PIK3CA: variants seen among roughly 807,000 people sequenced by gnomAD.
PIK3CA encodes the protein phosphatidylinositol 4,5-bisphosphate 3-kinase catalytic subunit alpha isoform.
A neutral mutation model predicts 138.2 loss-of-function variants in PIK3CA; 27 were observed. That is an observed-to-expected ratio of 0.20 (90% confidence interval 0.14 to 0.27). PIK3CA has a LOEUF of 0.27. Ranked by LOEUF, PIK3CA falls within the 10% of genes least tolerant of loss-of-function variation. The probability of loss-of-function intolerance (pLI) is 1.00; values close to 1 mark genes in which losing one functional copy is unlikely to be tolerated. For synonymous variants in PIK3CA, 358 were observed against 413.2 expected (o/e 0.87, Z 1.62); for missense variants, 544 against 1,277.4 (o/e 0.43, Z 8.75).
At chr3:179,150,601 C>T (rs1022447761) in intron 1 of PIK3CA, among the ~76,000 whole-genome samples, 1 of 152,128 alleles carries the variant, frequency 6.6e-6, no homozygotes, top group African/African-American at 2.4e-5. Context: ...TGTAAATTGT[C>T]ATGGGCCTTG....
intron 1 of PIK3CA, among the ~76,000 whole-genome samples, chr3:179,195,075 G>A (rs756131742): frequency 1.3e-5 from 2 of 151,060 alleles, no homozygotes; most frequent in South Asian, 2.1e-4. Flanking sequence ...CACCTACGCT[G>A]TAGATAGCTA....
At chr3:179,194,736 T>C (rs1724221848) in intron 1 of PIK3CA, among the ~76,000 whole-genome samples, 1 of 152,160 alleles carries the variant, frequency 6.6e-6, no homozygotes, top group Non-Finnish European at 1.5e-5. Context: ...TGTGGCAACC[T>C]AGAACACCTG....
At chr3:179,187,036 G>A (rs1723999351) in intron 1 of PIK3CA, among the ~76,000 whole-genome samples, 1 of 148,144 alleles carries the variant, frequency 6.8e-6, no homozygotes, top group Non-Finnish European at 1.5e-5. Flanking sequence ...TATAAGGGAA[G>A]TGTTTTTTTT....
At chr3:179,194,861 T>C (rs529746476) in intron 1 of PIK3CA, among the ~76,000 whole-genome samples, 1 of 152,270 alleles carries the variant, frequency 6.6e-6, no homozygotes, top group East Asian at 1.9e-4. Context: ...GCTTTTCCAT[T>C]GTTCATATTC....
chr3:179,161,597 T>G (rs2108354990), intron 1 of PIK3CA, among the ~76,000 whole-genome samples: 1 of 152,220 alleles, frequency 6.6e-6, no homozygotes, highest in South Asian at 2.1e-4. Flanking sequence ...ATCGGGAGGC[T>G]TAGGCAGCAG....
chr3:179,215,803 G>T (rs1268151583), intron 9 of PIK3CA, among the ~76,000 whole-genome samples: 1 of 152,156 alleles, frequency 6.6e-6, no homozygotes, highest in Non-Finnish European at 1.5e-5. Context: ...ACTGACCAAG[G>T]AAGATATTTC....
intron 1 of PIK3CA, among the ~76,000 whole-genome samples, chr3:179,191,576 AC>A (rs1267831076): frequency 6.6e-6 from 1 of 152,204 alleles, no homozygotes; most frequent in African/African-American, 2.4e-5. Flanking sequence ...ATTTTTAATG[AC>A]TTTTTAATGC....
intron 14 of PIK3CA, among the ~76,000 whole-genome samples, chr3:179,221,928 C>T (rs1477307513): frequency 6.6e-6 from 1 of 151,660 alleles, no homozygotes; most frequent in Non-Finnish European, 1.5e-5. Flanking sequence ...GGCTGGTCTC[C>T]AATTCCTGGG....
At chr3:179,183,169 AATTGCTTGCAATGGAC>A (rs1396009550) in intron 1 of PIK3CA, among the ~76,000 whole-genome samples, 1 of 152,198 alleles carries the variant, frequency 6.6e-6, no homozygotes, top group African/African-American at 2.4e-5. Context: ...ATTAGTCAAT[AATTGCTTGCAATGGAC>A]ATTTTCATTA....
chr3:179,224,850 T>C (rs1725046632), intron 16 of PIK3CA, 29 bp downstream of exon 16: 1 of 1,522,848 alleles, frequency 6.6e-7, no homozygotes, highest in East Asian at 2.3e-5. Flanking sequence ...GAGCTTATGA[T>C]GCATGAATTT....
At chr3:179,157,909 A>G (rs1004092795) in intron 1 of PIK3CA, among the ~76,000 whole-genome samples, 5 of 152,158 alleles carry the variant, frequency 3.3e-5, no homozygotes, top group Non-Finnish European at 7.4e-5. Context: ...ATGAGGGGTA[A>G]TAACTACCTA....
intron 20 of PIK3CA, among the ~76,000 whole-genome samples, chr3:179,232,619 AT>A (rs145356741): frequency 1.3e-5 from 2 of 150,510 alleles, no homozygotes; most frequent in African/African-American, 4.9e-5. Context: ...GAATTTTAGG[AT>A]TTTTTTTTCT....
intron 6 of PIK3CA, among the ~76,000 whole-genome samples, chr3:179,207,653 GGAGTT>G (rs1471155551): frequency 6.6e-6 from 1 of 151,188 alleles, no homozygotes; most frequent in Non-Finnish European, 1.5e-5. Context: ...CTGAGTAGCT[GGAGTT>G]ACAGGCGCCC....
At chr3:179,203,296 T>C (rs1176902323) in intron 4 of PIK3CA, among the ~76,000 whole-genome samples, 2 of 152,202 alleles carry the variant, frequency 1.3e-5, no homozygotes, top group African/African-American at 4.8e-5. Flanking sequence ...AACTACAGTT[T>C]CAAAAGTTGA....
At chr3:179,221,880 G>T (rs183014297) in intron 14 of PIK3CA, among the ~76,000 whole-genome samples, 1 of 151,494 alleles carries the variant, frequency 6.6e-6, no homozygotes, top group Non-Finnish European at 1.5e-5. Context: ...GCTAATTTTT[G>T]TATTTTTAGT....
chr3:179,190,269 T>C (rs553981563), intron 1 of PIK3CA, among the ~76,000 whole-genome samples: 125 of 152,020 alleles, frequency 8.2e-4, no homozygotes, highest in African/African-American at 2.8e-3. Context: ...GCTCTAGGAT[T>C]ATAGTGCATA....
chr3:179,203,092 C>A (rs1013009557), intron 4 of PIK3CA, among the ~76,000 whole-genome samples: 3 of 151,746 alleles, frequency 2.0e-5, no homozygotes, highest in African/African-American at 7.3e-5. Context: ...AGGCGCCCGC[C>A]ACTACGCCCG....
At position 179,238,036 on chromosome 3, in the gene PIK3CA, G is replaced by T. The variant is rs1030475732; in HGVS notation, c.*3672G>T. The T allele has an allele frequency of 5.8e-5, 13 of 222,256 alleles. No individual in the cohort carries two copies. The highest frequency in any genetic ancestry group is 2.7e-4 in the African/African-American group (12 of 44,692). 13.8% of individuals were successfully genotyped at this position (222,256 alleles called of 1,614,324 possible). A position where few individuals can be genotyped will look rare whatever the true frequency, so the allele number is the denominator to read the frequency against. On this transcript the variant is annotated 3_prime_UTR_variant, in exon 21 of 21. Transcript: ENST00000263967. ...ATTTAAAGACAACTTTCATACTTCA[G>T]ATGTTTTTGAGAAGAGGGGAATGTG...
At position 179,198,948 on chromosome 3, in the gene PIK3CA, A is replaced by T. The variant is rs1724336051; in HGVS notation, c.123A>T (p.Thr41=). 1 of 1,612,280 alleles carries T rather than the reference A, an allele frequency of 6.2e-7. No individual in the cohort carries two copies. The highest frequency in any genetic ancestry group is 1.3e-5 in the African/African-American group (1 of 74,892). Residue 41 remains threonine (T), a synonymous_variant, in exon 2 of 21, where the codon ACA becomes ACT. Coordinates refer to ENST00000263967, the MANE Select transcript of PIK3CA (RefSeq NM_006218.4). Reference sequence around the variant, plus strand: ...CTTTAGAATGCCTCCGTGAGGCTACATTAATAACCATAAAGCATGAACTAT... The same window carrying T: ...CTTTAGAATGCCTCCGTGAGGCTACTTTAATAACCATAAAGCATGAACTAT... The part of the protein sequence containing the change: ...IVTLECLREA[T]LITIKHELFK...
Sources: gnomAD v4.1 joint callset for allele counts (sites outside exome capture counted in the v4.1 genomes callset) on GRCh38, gnomAD v4.1.1 for gene constraint, MANE v1.5 for transcripts, NCBI Gene and HGNC (gene_info 2026-07-23, HGNC 2026-07-21) for gene names.